The following SCN2A variants were observed in gnomAD, a reference collection of about 807,000 sequenced individuals.
The protein encoded by SCN2A is sodium voltage-gated channel alpha subunit 2.
SCN2A carries 20 observed loss-of-function variants against 188.7 expected under a neutral mutation model. The ratio of observed to expected loss-of-function variants is 0.11; its 90% CI spans 0.07 to 0.15. The LOEUF (loss-of-function observed/expected upper bound fraction) is 0.15. Ranked by LOEUF, SCN2A falls within the 10% of genes least tolerant of loss-of-function variation. The pLI is 1.00. For missense variants in SCN2A, 1,278 were observed against 2,445.0 expected (o/e 0.52, Z 10.07); for synonymous variants, 804 against 833.1 (o/e 0.97, Z 0.60).
intron 24 of SCN2A, 97 bp from the exon 25 acceptor site, chr2:165,380,996 A>G: frequency 1.2e-6 from 1 of 830,658 alleles, no homozygotes; most frequent in Non-Finnish European, 2.0e-6. Flanking sequence ...GTAACAATAG[A>G]ATGAAATGTG....
At chr2:165,350,062 T>C (rs1574654396) in intron 16 of SCN2A, among the ~76,000 whole-genome samples, 1 of 152,268 alleles carries the variant, frequency 6.6e-6, no homozygotes. Flanking sequence ...CAGACCAGGA[T>C]TTTTATGAGC....
intron 14 of SCN2A, among the ~76,000 whole-genome samples, chr2:165,339,323 T>C (rs1699183901): frequency 6.6e-6 from 1 of 151,850 alleles, no homozygotes; most frequent in Non-Finnish European, 1.5e-5. Context: ...CTTAGAAAAA[T>C]TGAGTGCTTT....
chr2:165,325,219 TCTC>T (rs1487033007), intron 12 of SCN2A, among the ~76,000 whole-genome samples: 1 of 152,182 alleles, frequency 6.6e-6, no homozygotes, highest in Admixed American at 6.5e-5. Context: ...TTATCATAAA[TCTC>T]CTGTCCTATC....
At position 165,296,024 on chromosome 2, in the gene SCN2A, A is replaced by G; in HGVS notation, c.201A>G (p.Gly67=). 1 of 1,614,162 alleles carries G rather than the reference A, an allele frequency of 6.2e-7. No individual in the cohort carries two copies. The highest frequency in any genetic ancestry group is 2.2e-5 in the East Asian group (1 of 44,882). ...GAAAATCTCTTCCATTTATTTATGG[A>G]GACATTCCTCCAGAGATGGTGTCAG... ...EAGKSLPFIY[G]DIPPEMVSVP... Residue 67 remains glycine, a synonymous_variant, in exon 2 of 27, where the codon GGA becomes GGG. Coordinates refer to ENST00000375437, the MANE Select transcript of SCN2A (RefSeq NM_001040142.2).
intron 1 of SCN2A, among the ~76,000 whole-genome samples, chr2:165,281,294 AGTGT>A (rs750353984): frequency 1.3e-5 from 2 of 151,676 alleles, no homozygotes; most frequent in African/African-American, 4.8e-5. Flanking sequence ...AGTGTGTGAA[AGTGT>A]GTGTGTGTGT....
At chr2:165,383,240 G>A (rs963261221) in intron 25 of SCN2A, among the ~76,000 whole-genome samples, 5 of 152,032 alleles carry the variant, frequency 3.3e-5, no homozygotes, top group Non-Finnish European at 5.9e-5. Context: ...AGCTGATTAG[G>A]GGGAAGGGGC....
chr2:165,328,591 G>A, intron 13 of SCN2A: 2 of 795,956 alleles, frequency 2.5e-6, no homozygotes, highest in Non-Finnish European at 3.0e-6. Context: ...TTAAGTTTGA[G>A]CTAAATAAGA....
chr2:165,264,047 G>C (rs535469875), intron 1 of SCN2A, among the ~76,000 whole-genome samples: 1 of 152,038 alleles, frequency 6.6e-6, no homozygotes, highest in African/African-American at 2.4e-5. Context: ...TTTTGAATAA[G>C]TGTTTAGTGT....
intron 16 of SCN2A, among the ~76,000 whole-genome samples, chr2:165,346,844 C>G (rs1409557001): frequency 6.6e-6 from 1 of 152,146 alleles, no homozygotes; most frequent in Non-Finnish European, 1.5e-5. Flanking sequence ...TGAATAAAAG[C>G]TCATCATCAC....
chr2:165,314,012 G>A lies in SCN2A; in HGVS notation c.1287G>A (p.Glu429=), dbSNP rs764284985. The change falls in exon 10 of 27, where the codon GAG becomes GAA. Residue 429 remains glutamate, a synonymous_variant. Coordinates refer to ENST00000375437, the MANE Select transcript of SCN2A (RefSeq NM_001040142.2). ...LILAVVAMAY[E]EQNQATLEEA... ...TGGCTGTGGTGGCCATGGCCTATGAGGAACAGAATCAGGCCACATTGGAAG... is the reference window on the plus strand; with the variant it reads ...TGGCTGTGGTGGCCATGGCCTATGAAGAACAGAATCAGGCCACATTGGAAG... The A allele has an allele frequency of 6.2e-7, 1 of 1,613,784 alleles. No homozygotes were observed. Among genetic ancestry groups the A allele is most frequent in the South Asian group, 1.1e-5 (1 of 91,072 alleles).
At chr2:165,383,958 AAAGGTTTCTT>A (rs1258350782) in intron 25 of SCN2A, among the ~76,000 whole-genome samples, 2 of 152,146 alleles carry the variant, frequency 1.3e-5, no homozygotes, top group Non-Finnish European at 2.9e-5. Flanking sequence ...GTAGCAAAAT[AAAGGTTTCTT>A]AAGATTCAGA....
At chr2:165,345,604 A>G (rs62174668) in intron 16 of SCN2A, among the ~76,000 whole-genome samples, 373 of 146,882 alleles carry the variant, frequency 2.5e-3, no homozygotes, top group Non-Finnish European at 3.5e-3. Context: ...TTTTGTGCCT[A>G]TGTGTGTCTT....
chr2:165,374,877 C>T lies in SCN2A; in HGVS notation c.4165C>T (p.Leu1389Phe). 2 of 1,613,526 alleles carry T rather than the reference C, an allele frequency of 1.2e-6. No individual in the cohort carries two copies. The highest frequency in any genetic ancestry group is 1.7e-6 in the Non-Finnish European group (2 of 1,179,638). ...CAACAACTACAGTGAGTGCAAAGCT[C>T]TCATTGAGAGCAATCAAACTGCCAG... ...VVNNYSECKA[L>F]IESNQTARWK... Residue 1389 changes from leucine (L) to phenylalanine (F), a missense_variant, in exon 22 of 27, where the codon CTC becomes TTC. Around this residue, in one of 17 missense-constraint regions of SCN2A, gnomAD observed 32 missense variants for 42.5 expected, o/e 0.75. Coordinates refer to ENST00000375437, the MANE Select transcript of SCN2A (RefSeq NM_001040142.2).
At chr2:165,360,610 A>G (rs1019947254) in intron 17 of SCN2A, among the ~76,000 whole-genome samples, 2 of 151,938 alleles carry the variant, frequency 1.3e-5, no homozygotes, top group African/African-American at 4.8e-5. Flanking sequence ...TTTTCAGAGC[A>G]TATAAAATTG....
intron 1 of SCN2A, among the ~76,000 whole-genome samples, chr2:165,278,574 T>C (rs1695446853): frequency 6.6e-6 from 1 of 152,130 alleles, no homozygotes; most frequent in South Asian, 2.1e-4. Flanking sequence ...GAGATTACCA[T>C]TTAAGATGAG....
intron 25 of SCN2A, among the ~76,000 whole-genome samples, chr2:165,384,914 G>T (rs55897658): frequency 4.8e-4 from 73 of 152,218 alleles, no homozygotes; most frequent in African/African-American, 1.6e-3. Context: ...ATATCAGAGG[G>T]TGGAAGTAAG....
At chr2:165,352,224 A>G (rs552628856) in intron 16 of SCN2A, among the ~76,000 whole-genome samples, 4 of 152,234 alleles carry the variant, frequency 2.6e-5, no homozygotes, top group African/African-American at 9.6e-5. Flanking sequence ...AAAGCAAATT[A>G]CAATAAAACA....
chr2:165,257,632 G>A (rs13423292), intron 1 of SCN2A, among the ~76,000 whole-genome samples: 4,520 of 152,034 alleles, frequency 0.03, 213 homozygotes, highest in African/African-American at 0.099. Context: ...TCCGCCTTCC[G>A]GGTTCACGCC....
chr2:165,323,176 C>T lies in SCN2A; in HGVS notation c.1692C>T (p.Gly564=), dbSNP rs764819144. 5 of 1,614,168 alleles carry T rather than the reference C, an allele frequency of 3.1e-6. No homozygotes were observed. The South Asian group carries it at 4.4e-5, about 14-fold the overall frequency. ...SPHQSLLSIR[G]SLFSPRRNSR... ...CATAGTCCTTACTGAGCATCCGTGG[C>T]TCCCTTTTCTCTCCAAGACGCAACA... Residue 564 remains glycine, a synonymous_variant, in exon 12 of 27, where the codon GGC becomes GGT. Transcript: ENST00000375437.
Sources: allele counts gnomAD v4.1 joint callset (sites outside exome capture counted in the v4.1 genomes callset), GRCh38; gene constraint gnomAD v4.1.1; regional missense constraint gnomAD v4.1.1; transcripts MANE v1.5; gene names NCBI Gene and HGNC (gene_info 2026-07-23, HGNC 2026-07-21).